The following RCAN2 variants were observed in gnomAD, a reference collection of about 807,000 sequenced individuals.
RCAN2 encodes calcipressin-2.
A neutral mutation model predicts 23.6 loss-of-function variants in RCAN2; 9 were observed. The ratio of observed to expected loss-of-function variants is 0.38; its 90% confidence interval spans 0.23 to 0.67. The LOEUF is 0.67. Among genes scored for constraint, RCAN2 ranks in the 30% least tolerant of loss-of-function variants. The pLI, the probability that RCAN2 is intolerant of heterozygous loss-of-function variation, is 0.51. For missense variants in RCAN2, 273 were observed against 302.3 expected (o/e 0.90, Z 0.72); for synonymous variants, 109 against 115.7 (o/e 0.94, Z 0.37).
chr6:46,395,676 G>C (rs4629674), intron 2 of RCAN2, among the ~76,000 whole-genome samples: 3 of 152,166 alleles, frequency 2.0e-5, no homozygotes, highest in African/African-American at 7.2e-5. Flanking sequence ...AAGGCTTAAC[G>C]TTAAGGCTAA....
At chr6:46,413,424 A>T (rs1036669230) in intron 2 of RCAN2, among the ~76,000 whole-genome samples, 5 of 152,166 alleles carry the variant, frequency 3.3e-5, no homozygotes, top group Non-Finnish European at 7.3e-5. Flanking sequence ...TTTTATGTGA[A>T]ATTCCCTTCA....
chr6:46,431,001 T>C (rs564163643), intron 2 of RCAN2, among the ~76,000 whole-genome samples: 3 of 152,276 alleles, frequency 2.0e-5, no homozygotes, highest in African/African-American at 7.2e-5. Flanking sequence ...AAATAATTAA[T>C]GAATGAAGAC....
At chr6:46,480,515 C>A (rs1337437717) in intron 1 of RCAN2, among the ~76,000 whole-genome samples, 1 of 152,180 alleles carries the variant, frequency 6.6e-6, no homozygotes, top group Non-Finnish European at 1.5e-5. Context: ...TGCTCTCAGT[C>A]ATATCTGGTG....
intron 2 of RCAN2, among the ~76,000 whole-genome samples, chr6:46,286,443 G>A (rs1175189892): frequency 6.6e-6 from 1 of 152,050 alleles, no homozygotes; most frequent in Non-Finnish European, 1.5e-5. Context: ...CTAAAAGTAA[G>A]GATATAAAAT....
intron 2 of RCAN2, among the ~76,000 whole-genome samples, chr6:46,316,529 A>C (rs1763443762): frequency 6.6e-6 from 1 of 152,138 alleles, no homozygotes; most frequent in South Asian, 2.1e-4. Context: ...TAACAGCATC[A>C]TCCTTTTTGG....
intron 2 of RCAN2, among the ~76,000 whole-genome samples, chr6:46,325,079 G>A (rs1211256026): frequency 6.6e-6 from 1 of 152,118 alleles, no homozygotes; most frequent in East Asian, 1.9e-4. Context: ...ATTGAGGGCT[G>A]GAAAATTCTC....
chr6:46,297,507 AC>A (rs35676717), intron 2 of RCAN2, among the ~76,000 whole-genome samples: 1 of 151,366 alleles, frequency 6.6e-6, no homozygotes. Context: ...TAGAATAGAC[AC>A]CCCCCGCTTT....
At chr6:46,418,791 T>C (rs940927613) in intron 2 of RCAN2, among the ~76,000 whole-genome samples, 2 of 149,426 alleles carry the variant, frequency 1.3e-5, no homozygotes, top group African/African-American at 4.9e-5. Flanking sequence ...AATGCTTCTT[T>C]AGAAAATAAT....
chr6:46,272,177 A>G (rs973158980), intron 2 of RCAN2, among the ~76,000 whole-genome samples: 1 of 152,198 alleles, frequency 6.6e-6, no homozygotes, highest in Non-Finnish European at 1.5e-5. Flanking sequence ...AGTTCTGTCC[A>G]TTGTTATACA....
chr6:46,273,258 T>C (rs1767576189), intron 2 of RCAN2, among the ~76,000 whole-genome samples: 1 of 152,238 alleles, frequency 6.6e-6, no homozygotes, highest in Admixed American at 6.5e-5. Flanking sequence ...TGACATTTAG[T>C]CTTGCTTCCA....
chr6:46,305,945 CTT>C, intron 2 of RCAN2, among the ~76,000 whole-genome samples: 1 of 149,492 alleles, frequency 6.7e-6, no homozygotes, highest in Non-Finnish European at 1.5e-5. Context: ...ATGATTACCA[CTT>C]TGTATGCCTG....
At chr6:46,471,647 A>T (rs1768560767) in intron 1 of RCAN2, among the ~76,000 whole-genome samples, 1 of 152,182 alleles carries the variant, frequency 6.6e-6, no homozygotes, top group African/African-American at 2.4e-5. Context: ...AGTTGGTGCC[A>T]TGAGTTCAGA....
chr6:46,396,651 T>G (rs1659901208), intron 2 of RCAN2, among the ~76,000 whole-genome samples: 1 of 152,210 alleles, frequency 6.6e-6, no homozygotes, highest in Non-Finnish European at 1.5e-5. Flanking sequence ...TAGTACTTGT[T>G]TCATAAATGC....
chr6:46,425,985 G>T lies in RCAN2; in HGVS notation c.225+30767C>A, dbSNP rs1011444098. On this transcript the variant is annotated intron_variant, in intron 2 of 4. Transcript: ENST00000371374. Reference sequence around the variant, plus strand: ...ACAATCTTGGCTCACTGCAACCTCTGTCTCCCGGGTTCAAGCGATTCTCCT... The same window carrying T: ...ACAATCTTGGCTCACTGCAACCTCTTTCTCCCGGGTTCAAGCGATTCTCCT... Among the ~76,000 whole-genome samples the T allele has an allele frequency of 5.5e-5, 8 of 144,388 alleles. No homozygotes were observed. In the East Asian group the frequency reaches 1.6e-3, roughly 30 times the overall value. 94.7% of individuals were successfully genotyped at this position (144,388 alleles called of 152,430 possible). A position where few individuals can be genotyped will look rare whatever the true frequency, so the allele number is the denominator to read the frequency against.
intron 1 of RCAN2, among the ~76,000 whole-genome samples, chr6:46,469,199 T>C (rs1045347339): frequency 2.0e-5 from 3 of 152,178 alleles, no homozygotes; most frequent in African/African-American, 4.8e-5. Context: ...GGCTGGGCAG[T>C]TGTGGAAATA....
chr6:46,336,034 A>G (rs1227492702), intron 2 of RCAN2, among the ~76,000 whole-genome samples: 1 of 152,202 alleles, frequency 6.6e-6, no homozygotes, highest in Non-Finnish European at 1.5e-5. Flanking sequence ...TCAAAGTGTG[A>G]ACTCTTAACT....
chr6:46,384,556 C>T (rs1221117448), intron 2 of RCAN2, among the ~76,000 whole-genome samples: 1 of 152,112 alleles, frequency 6.6e-6, no homozygotes, highest in African/African-American at 2.4e-5. Context: ...ATTATTTTTC[C>T]ATTTTCTAGA....
intron 2 of RCAN2, among the ~76,000 whole-genome samples, chr6:46,252,940 T>C (rs1330756491): frequency 6.6e-6 from 1 of 152,238 alleles, no homozygotes; most frequent in Non-Finnish European, 1.5e-5. Context: ...TAGTAGTTTC[T>C]TAAAGTGTAC....
intron 2 of RCAN2, among the ~76,000 whole-genome samples, chr6:46,369,398 T>A (rs1364659516): frequency 6.6e-6 from 1 of 152,250 alleles, no homozygotes; most frequent in Non-Finnish European, 1.5e-5. Context: ...TATAAAGTAT[T>A]ATGTACTGTA....
Sources: allele counts gnomAD v4.1 joint callset (sites outside exome capture counted in the v4.1 genomes callset), GRCh38; gene constraint gnomAD v4.1.1; transcripts MANE v1.5; gene names NCBI Gene and HGNC (gene_info 2026-07-23, HGNC 2026-07-21).